Variants in MCTP1 observed in about 807,000 individuals in gnomAD.
The protein encoded by MCTP1 is multiple C2 and transmembrane domain-containing protein 1.
In MCTP1, 69 loss-of-function variants were observed where a neutral mutation model predicts 120.6. That is an observed-to-expected ratio of 0.57 (90% CI 0.47 to 0.70). MCTP1 has a LOEUF of 0.70. MCTP1 is among the 30% of genes least tolerant of loss of function. MCTP1 has a pLI of 0.00. For synonymous variants in MCTP1, 529 were observed against 493.1 expected, an observed-to-expected ratio of 1.07 and a Z score of -0.96; for missense variants, 1,203 against 1,248.8, an observed-to-expected ratio of 0.96 and a Z score of 0.55.
At chr5:94,795,598 T>C (rs1250924134) in intron 18 of MCTP1, among the ~76,000 whole-genome samples, 2 of 152,200 alleles carry the variant, frequency 1.3e-5, no homozygotes, top group African/African-American at 4.8e-5. Context: ...TTTATATCCC[T>C]TTCACGCCAG....
intron 1 of MCTP1, among the ~76,000 whole-genome samples, chr5:95,060,715 T>C (rs953690332): frequency 9.9e-5 from 15 of 152,120 alleles, no homozygotes; most frequent in African/African-American, 3.6e-4. Flanking sequence ...CTCACGCCTG[T>C]AATCCCAGCA....
chr5:94,825,999 T>C, intron 17 of MCTP1: 1 of 307,774 alleles, frequency 3.2e-6, no homozygotes, highest in Non-Finnish European at 6.2e-6. Flanking sequence ...GTCCTCCCTG[T>C]TGCATCTCCA....
chr5:94,919,452 G>A (rs143426713), intron 7 of MCTP1, among the ~76,000 whole-genome samples: 110 of 152,234 alleles, frequency 7.2e-4, no homozygotes, highest in African/African-American at 2.6e-3. Flanking sequence ...TCCCTGATAA[G>A]TACAAATAAT....
intron 1 of MCTP1, among the ~76,000 whole-genome samples, chr5:95,111,986 G>A (rs1188051839): frequency 6.6e-6 from 1 of 152,038 alleles, no homozygotes; most frequent in Non-Finnish European, 1.5e-5. Flanking sequence ...ACTTATCTTG[G>A]TATTTCCTGT....
intron 19 of MCTP1, among the ~76,000 whole-genome samples, chr5:94,767,741 T>C (rs1042008073): frequency 6.6e-6 from 1 of 151,958 alleles, no homozygotes; most frequent in Non-Finnish European, 1.5e-5. Context: ...AACTAAAAAA[T>C]ACTAATGAAA....
chr5:95,273,049 G>A (rs1008833223), intron 1 of MCTP1, among the ~76,000 whole-genome samples: 2 of 152,230 alleles, frequency 1.3e-5, no homozygotes, highest in African/African-American at 2.4e-5. Flanking sequence ...TAGAGACAGC[G>A]TGGTCCCTGC....
At chr5:94,941,798 C>T (rs1302354747) in intron 4 of MCTP1, among the ~76,000 whole-genome samples, 1 of 151,870 alleles carries the variant, frequency 6.6e-6, no homozygotes, top group Non-Finnish European at 1.5e-5. Flanking sequence ...ACAATAGTAA[C>T]TTTGCAACTA....
At chr5:95,103,959 T>G (rs1338847135) in intron 1 of MCTP1, among the ~76,000 whole-genome samples, 47 of 152,166 alleles carry the variant, frequency 3.1e-4, no homozygotes, top group Admixed American at 3.1e-3. Flanking sequence ...ATGACCCCAG[T>G]GCCTGTCCAT....
At chr5:95,088,529 A>G (rs1289382189) in intron 1 of MCTP1, among the ~76,000 whole-genome samples, 2 of 152,188 alleles carry the variant, frequency 1.3e-5, no homozygotes, top group Admixed American at 1.3e-4. Context: ...ACTCGGAGCA[A>G]TTATTCTATT....
intron 20 of MCTP1, among the ~76,000 whole-genome samples, chr5:94,711,924 A>G (rs1354741941): frequency 6.6e-6 from 1 of 152,088 alleles, no homozygotes; most frequent in Admixed American, 6.6e-5. Flanking sequence ...AGAGTGTGCC[A>G]AAATCATAAA....
intron 17 of MCTP1, among the ~76,000 whole-genome samples, chr5:94,832,081 G>T (rs1039924765): frequency 9.9e-5 from 15 of 152,064 alleles, no homozygotes; most frequent in African/African-American, 3.4e-4. Flanking sequence ...AAAGATTTTT[G>T]AAAAATGGGG....
At chr5:94,775,469 G>C (rs1172620309) in intron 19 of MCTP1, among the ~76,000 whole-genome samples, 1 of 152,132 alleles carries the variant, frequency 6.6e-6, no homozygotes, top group African/African-American at 2.4e-5. Flanking sequence ...CTCCTCCTAG[G>C]TAATTTAGCT....
chr5:95,234,095 A>G (rs1177576410), intron 1 of MCTP1, among the ~76,000 whole-genome samples: 1 of 152,136 alleles, frequency 6.6e-6, no homozygotes, highest in Non-Finnish European at 1.5e-5. Context: ...GAATATTTTT[A>G]TATTTTTGCA....
intron 19 of MCTP1, among the ~76,000 whole-genome samples, chr5:94,718,683 G>A (rs1046505490): frequency 6.6e-6 from 1 of 152,026 alleles, no homozygotes; most frequent in African/African-American, 2.4e-5. Context: ...TAAAAAGTAG[G>A]CAAAAGACAT....
chr5:95,023,257 G>A (rs1365179), intron 1 of MCTP1, among the ~76,000 whole-genome samples: 141,886 of 152,252 alleles, frequency 0.93, 66,907 homozygotes, highest in East Asian at 1. Flanking sequence ...TCAGCAATGA[G>A]CAAAACCCTG....
chr5:95,002,219 G>C (rs1004333137), intron 2 of MCTP1, among the ~76,000 whole-genome samples: 1 of 152,234 alleles, frequency 6.6e-6, no homozygotes, highest in South Asian at 2.1e-4. Context: ...TGCAGGGGTA[G>C]AGTCTTCCTG....
intron 1 of MCTP1, among the ~76,000 whole-genome samples, chr5:95,244,985 G>GGCA (rs1756595085): frequency 6.6e-6 from 1 of 152,154 alleles, no homozygotes; most frequent in South Asian, 2.1e-4. Context: ...GGAAGGATCA[G>GGCA]GCAGCAATAT....
At chr5:95,149,677 T>C (rs1288644401) in intron 1 of MCTP1, among the ~76,000 whole-genome samples, 2 of 152,190 alleles carry the variant, frequency 1.3e-5, no homozygotes, top group Non-Finnish European at 2.9e-5. Flanking sequence ...CCCAGCACCA[T>C]GACTGTGGCC....
chr5:95,187,398 A>G (rs1006888872), intron 1 of MCTP1, among the ~76,000 whole-genome samples: 8 of 151,982 alleles, frequency 5.3e-5, no homozygotes, highest in Non-Finnish European at 8.8e-5. Context: ...GCTCAAATCA[A>G]GTTTTTTTGT....
Sources: allele counts gnomAD v4.1 joint callset (sites outside exome capture counted in the v4.1 genomes callset), GRCh38; gene constraint gnomAD v4.1.1; transcripts MANE v1.5; gene names NCBI Gene and HGNC (gene_info 2026-07-23, HGNC 2026-07-21).